Variants in KLHL2 observed in about 807,000 individuals in gnomAD.
KLHL2 encodes the protein kelch like family member 2, also known as kelch-like protein 2.
KLHL2 carries 15 observed loss-of-function variants against 75.8 expected under a neutral mutation model. That is an observed-to-expected ratio of 0.20 (90% CI 0.13 to 0.30). The LOEUF (loss-of-function observed/expected upper bound fraction) is 0.30. Ranked by LOEUF, KLHL2 falls within the 10% of genes least tolerant of loss-of-function variation. The probability of loss-of-function intolerance (pLI) is 1.00; values close to 1 mark genes in which losing one functional copy is unlikely to be tolerated. For missense variants in KLHL2, 381 were observed against 741.0 expected (o/e 0.51, Z 5.64); for synonymous variants, 214 against 251.9 (o/e 0.85, Z 1.42).
intron 8 of KLHL2, among the ~76,000 whole-genome samples, 194 bp downstream of exon 8, chr4:165,299,850 T>G (rs1443836645): frequency 6.6e-6 from 1 of 152,228 alleles, no homozygotes; most frequent in Non-Finnish European, 1.5e-5. Context: ...GGGGATTCTT[T>G]GGTCCGTTTA....
At chr4:165,304,127 C>T (rs1392426753) in intron 8 of KLHL2, among the ~76,000 whole-genome samples, 7 of 151,986 alleles carry the variant, frequency 4.6e-5, no homozygotes, top group African/African-American at 7.2e-5. Context: ...ATGATCTGTC[C>T]GCTTCAGCCT....
At chr4:165,283,060 C>T (rs1180975021) in intron 5 of KLHL2, among the ~76,000 whole-genome samples, 13 of 152,230 alleles carry the variant, frequency 8.5e-5, no homozygotes, top group South Asian at 2.1e-4. Flanking sequence ...TTCACTATCA[C>T]GAGAACAGCA....
At chr4:165,226,166 AAATCCCCAGGT>A (rs1315946338) in intron 2 of KLHL2, among the ~76,000 whole-genome samples, 2 of 152,238 alleles carry the variant, frequency 1.3e-5, no homozygotes, top group Non-Finnish European at 2.9e-5. Flanking sequence ...AGTTGTGTTC[AAATCCCCAGGT>A]CACAAAAGAG....
At chr4:165,293,670 ATTTTTT>A (rs35736944) in intron 5 of KLHL2, among the ~76,000 whole-genome samples, 1 of 125,990 alleles carries the variant, frequency 7.9e-6, no homozygotes, top group African/African-American at 3.0e-5. Context: ...TGCCTGGCTA[ATTTTTT>A]TTTTTTTTTT....
chr4:165,307,725 G>A (rs1745842333), intron 9 of KLHL2, among the ~76,000 whole-genome samples: 1 of 152,068 alleles, frequency 6.6e-6, no homozygotes, highest in African/African-American at 2.4e-5. Context: ...TTTTGTGAGG[G>A]TAACCTTGTT....
intron 13 of KLHL2, 81 bp downstream of exon 13, chr4:165,314,247 A>C: frequency 3.9e-6 from 5 of 1,286,518 alleles, no homozygotes; most frequent in Non-Finnish European, 5.5e-6. Context: ...AATGAATATC[A>C]ATGGTATTTC....
chr4:165,209,006 A>G (rs569219116), intron 1 of KLHL2, among the ~76,000 whole-genome samples: 1 of 152,178 alleles, frequency 6.6e-6, no homozygotes, highest in African/African-American at 2.4e-5. Flanking sequence ...AGGAGAGCTA[A>G]TGGGATTCTG....
At chr4:165,297,406 A>G (rs544583725) in intron 6 of KLHL2, among the ~76,000 whole-genome samples, 2 of 148,632 alleles carry the variant, frequency 1.3e-5, no homozygotes, top group South Asian at 2.1e-4. Context: ...TTTTGGGTAA[A>G]TAAAAAAAAA....
chr4:165,263,211 A>C lies in KLHL2; in HGVS notation c.396A>C (p.Ala132=). 1.2e-6 allele frequency: 2 copies of C among 1,614,028 alleles called. No individual in the cohort carries two copies. The highest frequency in any genetic ancestry group is 1.7e-6 in the Non-Finnish European group (2 of 1,179,960). The change falls in exon 5 of 15, where the codon GCA becomes GCC. Residue 132 remains alanine (A), a synonymous_variant. Coordinates refer to ENST00000226725, the MANE Select transcript of KLHL2 (RefSeq NM_007246.4). The stretch of plus-strand genomic sequence containing the variant: ...GTGTGTTGCAGGTACTTCTCCCAGC[A>C]GCTGGTCTCTTACAGTTACAGGATG... ...TEENVQVLLP[A]AGLLQLQDVK...
intron 7 of KLHL2, among the ~76,000 whole-genome samples, 168 bp downstream of exon 7, chr4:165,297,893 G>A (rs1042427102): frequency 3.3e-5 from 5 of 152,140 alleles, no homozygotes; most frequent in Admixed American, 6.5e-5. Context: ...GCGTCATCTC[G>A]GCTCTCCGCA....
chr4:165,231,902 C>T (rs1738924627), intron 3 of KLHL2, among the ~76,000 whole-genome samples: 2 of 152,210 alleles, frequency 1.3e-5, no homozygotes, highest in African/African-American at 2.4e-5. Flanking sequence ...TATTTCTCCA[C>T]ATCCTTGCCA....
At chr4:165,209,884 C>A in intron 1 of KLHL2, 1 of 598,052 alleles carries the variant, frequency 1.7e-6, no homozygotes, top group Non-Finnish European at 2.8e-6. Flanking sequence ...TTCTGTGGAT[C>A]AGAAATAGTT....
At chr4:165,275,063 T>C (rs1217192092) in intron 5 of KLHL2, among the ~76,000 whole-genome samples, 9 of 152,254 alleles carry the variant, frequency 5.9e-5, no homozygotes, top group African/African-American at 2.2e-4. Flanking sequence ...CATGGTGTTC[T>C]GGACTATGGT....
At chr4:165,241,839 A>G (rs1471147306) in intron 4 of KLHL2, among the ~76,000 whole-genome samples, 3 of 152,174 alleles carry the variant, frequency 2.0e-5, no homozygotes, top group African/African-American at 4.8e-5. Flanking sequence ...TTTGAAGTGA[A>G]GGTTGTTAAC....
At chr4:165,218,951 A>C (rs1004489043) in intron 1 of KLHL2, among the ~76,000 whole-genome samples, 1 of 152,234 alleles carries the variant, frequency 6.6e-6, no homozygotes, top group Non-Finnish European at 1.5e-5. Flanking sequence ...TACATACCAT[A>C]AATCCACCCA....
intron 8 of KLHL2, among the ~76,000 whole-genome samples, chr4:165,300,091 C>A (rs921477614): frequency 2.6e-5 from 4 of 152,000 alleles, no homozygotes; most frequent in African/African-American, 4.8e-5. Flanking sequence ...GAGTTTGAGA[C>A]CAGCCTGGCC....
intron 1 of KLHL2, among the ~76,000 whole-genome samples, chr4:165,213,233 C>T (rs374923771): frequency 0.013 from 1,527 of 114,166 alleles, no homozygotes; most frequent in East Asian, 0.021. Context: ...AACTTTTTCA[C>T]TGGTCTTCTA....
intron 2 of KLHL2, among the ~76,000 whole-genome samples, chr4:165,226,266 C>G (rs1341394195): frequency 6.6e-6 from 1 of 152,178 alleles, no homozygotes; most frequent in Non-Finnish European, 1.5e-5. Context: ...TTTCTTCGCT[C>G]CCACCCTTCT....
intron 3 of KLHL2, among the ~76,000 whole-genome samples, chr4:165,231,320 T>C (rs1415588181): frequency 2.0e-5 from 3 of 152,102 alleles, no homozygotes; most frequent in Admixed American, 2.0e-4. Context: ...GTGGTGGCAC[T>C]AGTCTATAGT....
Sources: gnomAD v4.1 joint callset for allele counts (sites outside exome capture counted in the v4.1 genomes callset) on GRCh38, gnomAD v4.1.1 for gene constraint, MANE v1.5 for transcripts, NCBI Gene and HGNC (gene_info 2026-07-23, HGNC 2026-07-21) for gene names.